The following CD6 variants were observed in gnomAD, a reference collection of about 807,000 sequenced individuals.
CD6 encodes T-cell differentiation antigen CD6.
A neutral mutation model predicts 75.3 loss-of-function variants in CD6; 53 were observed. The ratio of observed to expected loss-of-function variants is 0.70; its 90% CI spans 0.56 to 0.88. CD6 has a LOEUF of 0.88. Among genes scored for constraint, CD6 ranks in the 40% least tolerant of loss-of-function variants. CD6 has a pLI of 0.00. For synonymous variants in CD6, 359 were observed against 381.5 expected, an observed-to-expected ratio of 0.94 and a Z score of 0.69; for missense variants, 770 against 897.1, an observed-to-expected ratio of 0.86 and a Z score of 1.81.
chr11:61,015,683 G>T, intron 8 of CD6, 30 bp from the exon 9 acceptor site: 1 of 1,613,158 alleles, frequency 6.2e-7, no homozygotes, highest in Non-Finnish European at 8.5e-7. Context: ...CCACCACTTT[G>T]CCATGCCCTC....
rs1859035107 is a variant in CD6 at position 61,009,446 on chromosome 11, A to G, written c.782-126A>G. 1.8e-5 allele frequency: 15 copies of G among 831,502 alleles called. No individual in the cohort carries two copies. In the South Asian group the frequency reaches 2.7e-4, roughly 15 times the overall value. 51.5% of individuals were successfully genotyped at this position (831,502 alleles called of 1,614,324 possible). Reference sequence around the variant, plus strand: ...GGTGACAGGGGGACACAGACACAGGAGGGAGAAGACACAAGATCTGGAGAC... The same window carrying G: ...GGTGACAGGGGGACACAGACACAGGGGGGAGAAGACACAAGATCTGGAGAC... On this transcript the variant is annotated intron_variant, in intron 4 of 12. Coordinates refer to ENST00000313421, the MANE Select transcript of CD6 (RefSeq NM_006725.5).
intron 11 of CD6, 33 bp downstream of exon 11, chr11:61,018,046 T>C: frequency 6.2e-7 from 1 of 1,602,336 alleles, no homozygotes; most frequent in Non-Finnish European, 8.5e-7. Flanking sequence ...CCCCATCCCA[T>C]AGCCAGCCTG....
intron 1 of CD6, among the ~76,000 whole-genome samples, chr11:60,973,932 CTG>C (rs1372895050): frequency 6.6e-6 from 1 of 152,102 alleles, no homozygotes; most frequent in Non-Finnish European, 1.5e-5. Flanking sequence ...GCAAGGGACA[CTG>C]AGCTGCTACA....
intron 1 of CD6, among the ~76,000 whole-genome samples, chr11:60,999,129 G>T (rs1161626595): frequency 6.6e-6 from 1 of 152,116 alleles, no homozygotes; most frequent in East Asian, 1.9e-4. Flanking sequence ...CTGCACTCCA[G>T]CCTGGGTGAC....
chr11:60,999,840 C>T (rs926921268), intron 1 of CD6, among the ~76,000 whole-genome samples: 5 of 151,732 alleles, frequency 3.3e-5, no homozygotes, highest in Admixed American at 3.3e-4. Flanking sequence ...TGAAGCCAGG[C>T]GTTCGAGATC....
intron 1 of CD6, among the ~76,000 whole-genome samples, chr11:60,996,858 T>C (rs1858324282): frequency 6.6e-6 from 1 of 152,202 alleles, no homozygotes; most frequent in African/African-American, 2.4e-5. Context: ...TCTGACAAAA[T>C]ACTTGCTGAC....
intron 10 of CD6, 52 bp from the exon 11 acceptor site, chr11:61,017,707 G>A: frequency 1.2e-6 from 2 of 1,610,912 alleles, no homozygotes; most frequent in Non-Finnish European, 8.5e-7. Flanking sequence ...CTGACTTAAA[G>A]CCCTCTTGCT....
intron 1 of CD6, among the ~76,000 whole-genome samples, chr11:60,978,846 A>G (rs184846916): frequency 1.3e-5 from 2 of 152,346 alleles, no homozygotes; most frequent in East Asian, 3.9e-4. Context: ...CCAACTCACC[A>G]AAGTGTACAA....
Position 60,995,926 on chromosome 11 carries a change from A to T in CD6, c.50-10648A>T, listed in dbSNP as rs140578286. Among the ~76,000 whole-genome samples, 339 of 152,304 alleles carry T rather than the reference A, an allele frequency of 2.2e-3. 3 individuals carry two copies. Among genetic ancestry groups the T allele is most frequent in the African/African-American group, 7.8e-3 (322 of 41,542 alleles). ...ATTTCTAAACTCAGTGCTGGTTGAC[A>T]CTTGCAGAGGAGAAAGGAGTTTGGA... On this transcript the variant is annotated intron_variant, in intron 1 of 12. Transcript: ENST00000313421.
chr11:61,014,594 G>A (rs1358136583), intron 8 of CD6, among the ~76,000 whole-genome samples: 3 of 152,096 alleles, frequency 2.0e-5, no homozygotes, highest in Non-Finnish European at 4.4e-5. Context: ...AATTAGACAG[G>A]TGTGGTGGCG....
chr11:61,005,395 G>A (rs976079331), intron 1 of CD6, among the ~76,000 whole-genome samples: 1 of 152,126 alleles, frequency 6.6e-6, no homozygotes, highest in Non-Finnish European at 1.5e-5. Flanking sequence ...TCACATCTTC[G>A]CTCTCCTCAC....
chr11:60,978,699 G>A (rs1032149513), intron 1 of CD6, among the ~76,000 whole-genome samples: 4 of 152,190 alleles, frequency 2.6e-5, no homozygotes, highest in African/African-American at 7.2e-5. Flanking sequence ...GCCCTAGGAA[G>A]GGCACTGTAT....
rs1858932444 is a variant in CD6 at position 61,007,698 on chromosome 11, T to A, written c.257T>A (p.Leu86Gln). 7.2e-7 allele frequency: 1 copy of A among 1,396,250 alleles called. No individual in the cohort carries two copies. The highest frequency in any genetic ancestry group is 1.5e-5 in the African/African-American group (1 of 65,722). The allele number at this position is 1,396,250 out of a possible 1,614,324, so 86.5% of individuals were successfully genotyped here. A position where few individuals can be genotyped will look rare whatever the true frequency, so the allele number is the denominator to read the frequency against. Residue 86 changes from leucine (L) to glutamine (Q), a missense_variant, in exon 3 of 13, where the codon CTG becomes CAG. Coordinates refer to ENST00000313421, the MANE Select transcript of CD6 (RefSeq NM_006725.5). The surrounding 1 kb of genome is among the most constrained non-coding windows in gnomAD (Gnocchi z 4.2). ...SRAAEAVCRALGCGGAEAASQ... is the reference protein window; with the variant it reads ...SRAAEAVCRAQGCGGAEAASQ... Reference sequence around the variant, plus strand: ...GCCGCCGAGGCCGTGTGCCGAGCACTGGGCTGCGGCGGGGCGGAGGCCGCC... The same window carrying A: ...GCCGCCGAGGCCGTGTGCCGAGCACAGGGCTGCGGCGGGGCGGAGGCCGCC...
intron 1 of CD6, among the ~76,000 whole-genome samples, chr11:60,996,311 TCCCTTATCC>T (rs1858290940): frequency 6.6e-6 from 1 of 152,138 alleles, no homozygotes; most frequent in Non-Finnish European, 1.5e-5. Flanking sequence ...ACAACATCCT[TCCCTTATCC>T]CCCTGCACTC....
chr11:60,978,162 C>T (rs1232219698), intron 1 of CD6, among the ~76,000 whole-genome samples: 1 of 152,192 alleles, frequency 6.6e-6, no homozygotes, highest in Non-Finnish European at 1.5e-5. Flanking sequence ...ATCAATTTTG[C>T]ATAGTTTTGT....
chr11:60,976,189 G>T (rs1254039921), intron 1 of CD6, among the ~76,000 whole-genome samples: 1 of 152,052 alleles, frequency 6.6e-6, no homozygotes, highest in Non-Finnish European at 1.5e-5. Context: ...CCACCTTTTG[G>T]AATCTCTGAT....
intron 1 of CD6, among the ~76,000 whole-genome samples, chr11:61,002,145 T>C (rs1007891614): frequency 1.3e-5 from 2 of 152,222 alleles, no homozygotes; most frequent in South Asian, 2.1e-4. Context: ...TCTGGGTCTA[T>C]TTCATTCTTT....
In CD6 at chr11:60,991,866, G is replaced by GTA. The variant is rs747676139; in HGVS notation, c.50-14698_50-14697dup. The stretch of plus-strand genomic sequence containing the variant: ...TTTATTCATATATATCTATATATAT[G>GTA]TATATATATATGTATATATATCTAT... On this transcript the variant is annotated intron_variant, in intron 1 of 12. Transcript: ENST00000313421. 9.2e-4 allele frequency among the ~76,000 whole-genome samples: 126 copies of GTA among 136,562 alleles called. No individual in the cohort carries two copies. The East Asian group carries it at 0.014, about 16-fold the overall frequency. The allele number at this position is 136,562 out of a possible 152,430, so 89.6% of individuals were successfully genotyped here. A position where few individuals can be genotyped will look rare whatever the true frequency, so the allele number is the denominator to read the frequency against.
chr11:60,971,758 G>GGCGCA lies in CD6; in HGVS notation c.-108_-107insGCGCA. On this transcript the variant is annotated 5_prime_UTR_variant, in exon 1 of 13. The change creates a premature stop within an existing upstream ORF in the 5' untranslated region. Coordinates refer to ENST00000313421, the MANE Select transcript of CD6 (RefSeq NM_006725.5). ...GACACAGGAACAAGAACAGCAAAGG[G>GGCGCA]TAGAGCAGACCTGCGCCAGGGGCGC... is the stretch of plus-strand genomic sequence containing the variant. 1 of 1,065,682 alleles carries GGCGCA rather than the reference G, an allele frequency of 9.4e-7. No individual in the cohort carries two copies. Among genetic ancestry groups the GGCGCA allele is most frequent in the South Asian group, 1.3e-5 (1 of 75,168 alleles). 66.0% of individuals were successfully genotyped at this position (1,065,682 alleles called of 1,614,324 possible).
Sources: gnomAD v4.1 joint callset for allele counts (sites outside exome capture counted in the v4.1 genomes callset) on GRCh38, gnomAD v4.1.1 for gene constraint, Gnocchi (gnomAD v3.1) non-coding constraint, MANE v1.5 for transcripts, NCBI Gene and HGNC (gene_info 2026-07-23, HGNC 2026-07-21) for gene names.